The following KIRREL3 variants were observed in gnomAD, a reference collection of about 807,000 sequenced individuals.
The protein encoded by KIRREL3 is kin of IRRE-like protein 3.
In KIRREL3, 36 loss-of-function variants were observed where a neutral mutation model predicts 89.7. The observed-to-expected ratio is 0.40, with a 90% CI of 0.31 to 0.53. The LOEUF (loss-of-function observed/expected upper bound fraction) is 0.53, where lower values mean the gene tolerates loss of function less well. Among genes scored for constraint, KIRREL3 ranks in the 20% least tolerant of loss-of-function variants. The probability of loss-of-function intolerance (pLI) is 0.49; values close to 1 mark genes in which losing one functional copy is unlikely to be tolerated. For missense variants in KIRREL3, 864 were observed against 1,056.6 expected, an observed-to-expected ratio of 0.82 and a Z score of 2.53; for synonymous variants, 445 against 441.4, an observed-to-expected ratio of 1.01 and a Z score of -0.10.
intron 1 of KIRREL3, among the ~76,000 whole-genome samples, chr11:126,961,878 C>T (rs1466276081): frequency 1.3e-5 from 2 of 152,212 alleles, no homozygotes; most frequent in Non-Finnish European, 2.9e-5. Context: ...GCTCATTTAT[C>T]ATTTTAAAAA....
At chr11:126,902,606 C>T (rs976480521) in intron 1 of KIRREL3, among the ~76,000 whole-genome samples, 28 of 152,218 alleles carry the variant, frequency 1.8e-4, no homozygotes, top group African/African-American at 6.8e-4. Context: ...AGGCGCCAAT[C>T]CCTGTGGATA....
Position 126,558,148 on chromosome 11 carries a change from C to T in KIRREL3, c.133+4687G>A, listed in dbSNP as rs866994383. Reference sequence around the variant, plus strand: ...ACCCTCCTGTGCAGGCCCCCCTCTGCCCCAAGGGGATGGCTGAAGGGGAGG... The same window carrying T: ...ACCCTCCTGTGCAGGCCCCCCTCTGTCCCAAGGGGATGGCTGAAGGGGAGG... On this transcript the variant is annotated intron_variant, in intron 2 of 16. Coordinates refer to ENST00000525144, the MANE Select transcript of KIRREL3 (RefSeq NM_032531.4). The surrounding 1 kb of genome is among the most constrained non-coding windows in gnomAD (Gnocchi z 4.0). 3.9e-5 allele frequency among the ~76,000 whole-genome samples: 6 copies of T among 152,188 alleles called. No homozygotes were observed. The highest frequency in any genetic ancestry group is 7.3e-5 in the Non-Finnish European group (5 of 68,036).
In KIRREL3 at chr11:126,557,807, G is replaced by A. The variant is rs1360729262; in HGVS notation, c.133+5028C>T. 2.0e-5 allele frequency among the ~76,000 whole-genome samples: 3 copies of A among 152,206 alleles called. No individual in the cohort carries two copies. The highest frequency in any genetic ancestry group is 7.2e-5 in the African/African-American group (3 of 41,462). On this transcript the variant is annotated intron_variant, in intron 2 of 16. Coordinates refer to ENST00000525144, the MANE Select transcript of KIRREL3 (RefSeq NM_032531.4). This position sits in a 1 kb window ranked among gnomAD's most constrained non-coding sequence, Gnocchi z 5.6. ...TGGGGGAGGGGCATTTGCACACAGA[G>A]CCTGGACTGGGACCACAGTGCTGTT...
chr11:126,446,877 C>T lies in KIRREL3; in HGVS notation c.1007G>A (p.Arg336Gln), dbSNP rs114378922. The T allele has an allele frequency of 2.1e-4, 340 of 1,605,176 alleles. 1 individual carries two copies. The African/African-American group carries it at 3.3e-3, about 15-fold the overall frequency. The change falls in exon 9 of 17, where the codon CGG becomes CAG. Residue 336 changes from arginine (R) to glutamine (Q), a missense_variant. Physicochemically the swap from Arg to Gln is conservative, Grantham distance 43 (BLOSUM62 1). Transcript: ENST00000525144. ...SRTVDVYFGP[R>Q]MTTEPQSLLV... ...CAAGGATTGGGGTTCTGTGGTCATC[C>T]GGGGCCCAACTGCGATGTGAGGAAG... is the stretch of plus-strand genomic sequence containing the variant.
intron 1 of KIRREL3, among the ~76,000 whole-genome samples, chr11:126,593,401 A>T (rs1942241174): frequency 6.6e-6 from 1 of 152,200 alleles, no homozygotes; most frequent in African/African-American, 2.4e-5. Context: ...CACTGTCCCC[A>T]GCTCTAAGCC....
chr11:126,562,717 C>A lies in KIRREL3; in HGVS notation c.133+118G>T. On this transcript the variant is annotated intron_variant, in intron 2 of 16. Coordinates refer to ENST00000525144, the MANE Select transcript of KIRREL3 (RefSeq NM_032531.4). This position sits in a 1 kb window ranked among gnomAD's most constrained non-coding sequence, Gnocchi z 4.7. ...TTCATGGAAACCAAACTGGTCTTCC[C>A]ACTGTCCCCTTCTGAGAGGTCCCAG... The A allele has an allele frequency of 1.3e-6, 1 of 757,026 alleles. No homozygotes were observed. The highest frequency in any genetic ancestry group is 2.2e-6 in the Non-Finnish European group (1 of 456,888). The allele number at this position is 757,026 out of a possible 1,614,324, so 46.9% of individuals were successfully genotyped here.
At position 126,976,875 on chromosome 11, in the gene KIRREL3, A is replaced by T. The variant is rs903600786; in HGVS notation, c.55+23580T>A. The stretch of plus-strand genomic sequence containing the variant: ...CTTAATCCTTGATCTGGGTGACTCT[A>T]AACCACCAACTTGTATGATCTCTTC... On this transcript the variant is annotated intron_variant, in intron 1 of 16. Coordinates refer to ENST00000525144, the MANE Select transcript of KIRREL3 (RefSeq NM_032531.4). This position sits in a 1 kb window ranked among gnomAD's most constrained non-coding sequence, Gnocchi z 4.2. 1.3e-5 allele frequency among the ~76,000 whole-genome samples: 2 copies of T among 152,120 alleles called. No homozygotes were observed. Among genetic ancestry groups the T allele is most frequent in the African/African-American group, 4.8e-5 (2 of 41,390 alleles).
chr11:126,838,893 T>G (rs28493026), intron 1 of KIRREL3, among the ~76,000 whole-genome samples: 15 of 152,306 alleles, frequency 9.8e-5, no homozygotes, highest in Admixed American at 2.6e-4. Context: ...CAAATTCCCT[T>G]CCTTTAAATC....
At chr11:126,559,739 G>A (rs1281926993) in intron 2 of KIRREL3, among the ~76,000 whole-genome samples, 1 of 152,066 alleles carries the variant, frequency 6.6e-6, no homozygotes, top group African/African-American at 2.4e-5. Flanking sequence ...GCAGGATCTT[G>A]GCTCACTGCA....
intron 5 of KIRREL3, among the ~76,000 whole-genome samples, chr11:126,468,959 G>A (rs542012482): frequency 1.3e-4 from 20 of 152,314 alleles, no homozygotes; most frequent in African/African-American, 4.6e-4. Flanking sequence ...TATGGGAAAC[G>A]CGAGGTCCAT....
At chr11:126,799,470 A>T (rs1950960355) in intron 1 of KIRREL3, among the ~76,000 whole-genome samples, 1 of 148,848 alleles carries the variant, frequency 6.7e-6, no homozygotes, top group Non-Finnish European at 1.5e-5. Context: ...GCATGTGTGT[A>T]TCTGTGTGTG....
Position 126,783,914 on chromosome 11 carries a change from G to T in KIRREL3, c.55+216541C>A, listed in dbSNP as rs980547124. Among the ~76,000 whole-genome samples, 3 of 152,214 alleles carry T rather than the reference G, an allele frequency of 2.0e-5. No homozygotes were observed. Among genetic ancestry groups the T allele is most frequent in the African/African-American group, 7.2e-5 (3 of 41,458 alleles). On this transcript the variant is annotated intron_variant, in intron 1 of 16. Coordinates refer to ENST00000525144, the MANE Select transcript of KIRREL3 (RefSeq NM_032531.4). The surrounding 1 kb of genome is among the most constrained non-coding windows in gnomAD (Gnocchi z 4.3). ...GGCAGCAACAGTGATGTGCCATGTTGATAGCACACACCCTTGATAGGATAC... is the reference window on the plus strand; with the variant it reads ...GGCAGCAACAGTGATGTGCCATGTTTATAGCACACACCCTTGATAGGATAC...
chr11:126,468,210 G>A (rs2134268056), intron 5 of KIRREL3, among the ~76,000 whole-genome samples: 1 of 152,286 alleles, frequency 6.6e-6, no homozygotes. Flanking sequence ...TGGACTTGGG[G>A]GCTTTCCAGA....
At chr11:126,716,535 T>G (rs936468978) in intron 1 of KIRREL3, among the ~76,000 whole-genome samples, 1 of 152,054 alleles carries the variant, frequency 6.6e-6, no homozygotes, top group African/African-American at 2.4e-5. Context: ...AGGAAGGGAC[T>G]GACTTTTATG....
Position 126,432,347 on chromosome 11 carries a change from C to G in KIRREL3, c.1589-821G>C, listed in dbSNP as rs76699027. On this transcript the variant is annotated intron_variant, in intron 13 of 16. Transcript: ENST00000525144. The surrounding 1 kb of genome is among the most constrained non-coding windows in gnomAD (Gnocchi z 6.2). The stretch of plus-strand genomic sequence containing the variant: ...GGGACAGGGAGGGTAAGGATAGAGT[C>G]GGGGGTGATCTTCCACACAGCCTTG... 0.017 allele frequency among the ~76,000 whole-genome samples: 2,655 copies of G among 152,222 alleles called. 85 individuals carry two copies. The highest frequency in any genetic ancestry group is 0.061 in the African/African-American group (2,546 of 41,530).
chr11:126,438,414 G>A (rs968292304), intron 11 of KIRREL3, among the ~76,000 whole-genome samples: 4 of 152,200 alleles, frequency 2.6e-5, no homozygotes, highest in Admixed American at 6.5e-5. Context: ...CTATTGTCAC[G>A]CTGGACTGAC....
At position 126,991,211 on chromosome 11, in the gene KIRREL3, G is replaced by A. The variant is rs1305268321; in HGVS notation, c.55+9244C>T. On this transcript the variant is annotated intron_variant, in intron 1 of 16. Transcript: ENST00000525144. The surrounding 1 kb of genome is among the most constrained non-coding windows in gnomAD (Gnocchi z 5.8). ...GCCTTCCAGAAAGGAACAACTTCCT[G>A]CAGGGCACGTCCACACTTCACTTAG... Among the ~76,000 whole-genome samples the A allele has an allele frequency of 6.6e-6, 1 of 152,170 alleles. No homozygotes were observed. The highest frequency in any genetic ancestry group is 1.5e-5 in the Non-Finnish European group (1 of 68,038).
intron 1 of KIRREL3, among the ~76,000 whole-genome samples, chr11:126,972,379 C>A (rs1005359318): frequency 6.6e-6 from 1 of 152,204 alleles, no homozygotes; most frequent in African/African-American, 2.4e-5. Flanking sequence ...TATGCAAAAG[C>A]TGACAAATTC....
At chr11:126,765,694 T>C (rs891847186) in intron 1 of KIRREL3, among the ~76,000 whole-genome samples, 23 of 152,176 alleles carry the variant, frequency 1.5e-4, no homozygotes, top group Non-Finnish European at 7.3e-5. Context: ...AGTCAGGCAG[T>C]TTTCGGGGAA....
Sources: allele counts gnomAD v4.1 joint callset (sites outside exome capture counted in the v4.1 genomes callset), GRCh38; gene constraint gnomAD v4.1.1; non-coding constraint Gnocchi (gnomAD v3.1); transcripts MANE v1.5; gene names NCBI Gene and HGNC (gene_info 2026-07-23, HGNC 2026-07-21).